TCTN1: variants seen among roughly 807,000 people sequenced by gnomAD.
TCTN1 encodes the protein tectonic family member 1, also known as tectonic-1.
In TCTN1, 58 loss-of-function variants were observed where a neutral mutation model predicts 65.8. The observed-to-expected ratio is 0.88, with a 90% CI of 0.71 to 1.10. The LOEUF (loss-of-function observed/expected upper bound fraction) is 1.10, where lower values mean the gene tolerates loss of function less well. Among genes scored for constraint, TCTN1 ranks in the 50% least tolerant of loss-of-function variants. TCTN1 has a pLI of 0.00. For missense variants in TCTN1, 645 were observed against 719.4 expected (o/e 0.90, Z 1.18); for synonymous variants, 273 against 289.1 (o/e 0.94, Z 0.57).
chr12:110,634,771 ATT>A lies in TCTN1; in HGVS notation c.815_816del (p.Ile272ThrfsTer5), dbSNP rs777936490. 1.9e-5 allele frequency: 30 copies of A among 1,607,582 alleles called. No homozygotes were observed. Among genetic ancestry groups the A allele is most frequent in the Non-Finnish European group, 2.6e-6 (3 of 1,176,188 alleles). On this transcript the variant is annotated frameshift_variant, in exon 6 of 15. Transcript: ENST00000397659. LOFTEE classifies it high-confidence loss of function. ...CATGGCTTTTTACAGCAGCCCGGAAATTCTGAGGGTAAGAATTATTTTGAAGT... is the reference window on the plus strand; with the variant it reads ...CATGGCTTTTTACAGCAGCCCGGAAACTGAGGGTAAGAATTATTTTGAAGT... ...LSMAFYSSPE[I>X]LRVPDSRKKV...
chr12:110,623,994 T>G (rs971022884), intron 2 of TCTN1, among the ~76,000 whole-genome samples: 1 of 152,218 alleles, frequency 6.6e-6, no homozygotes, highest in African/African-American at 2.4e-5. Context: ...CATTATATAT[T>G]AAGTGAGAAA....
At chr12:110,625,005 C>A (rs1233270859) in intron 2 of TCTN1, among the ~76,000 whole-genome samples, 3 of 152,220 alleles carry the variant, frequency 2.0e-5, no homozygotes, top group Non-Finnish European at 4.4e-5. Context: ...TGTACCATAA[C>A]TTCTAAGCAT....
chr12:110,629,000 A>G (rs2066042583), intron 4 of TCTN1, 82 bp downstream of exon 4: 1 of 1,545,738 alleles, frequency 6.5e-7, no homozygotes, highest in East Asian at 2.3e-5. Flanking sequence ...TACCAGGAAA[A>G]CTGGGTTCCT....
chr12:110,624,673 G>C (rs892503662), intron 2 of TCTN1, among the ~76,000 whole-genome samples: 8 of 151,878 alleles, frequency 5.3e-5, no homozygotes, highest in Non-Finnish European at 1.0e-4. Flanking sequence ...AACCTCCCAG[G>C]TTCAAGCAAT....
chr12:110,648,427 G>A (rs544916285), intron 14 of TCTN1, among the ~76,000 whole-genome samples: 2 of 152,288 alleles, frequency 1.3e-5, no homozygotes, highest in South Asian at 2.1e-4. Flanking sequence ...AACCCAAAAA[G>A]TCTTTGGGGA....
intron 2 of TCTN1, among the ~76,000 whole-genome samples, chr12:110,620,915 C>G (rs997219140): frequency 3.3e-5 from 5 of 151,236 alleles, no homozygotes; most frequent in African/African-American, 1.2e-4. Context: ...TGGCTTCAAG[C>G]AATTCTCCTG....
Position 110,649,100 on chromosome 12 carries a change from G to A in TCTN1, c.*59G>A, listed in dbSNP as rs945272130. On this transcript the variant is annotated 3_prime_UTR_variant, in exon 15 of 15. Coordinates refer to ENST00000397659, the MANE Select transcript of TCTN1 (RefSeq NM_001082538.3). ...CGTGAAATTTGAAAACTGTACATTC[G>A]GTGAGATTAAATTTTATATACAACT... 3 of 624,522 alleles carry A rather than the reference G, an allele frequency of 4.8e-6. No homozygotes were observed. The highest frequency in any genetic ancestry group is 1.8e-5 in the African/African-American group (1 of 55,564). The allele number at this position is 624,522 out of a possible 1,614,324, so 38.7% of individuals were successfully genotyped here.
chr12:110,616,990 T>A (rs371863105), intron 1 of TCTN1: 32 of 152,242 alleles, frequency 2.1e-4, no homozygotes, highest in African/African-American at 6.0e-4. Flanking sequence ...GATGATTAAG[T>A]ACACTCGCAT....
At chr12:110,619,637 T>G (rs2065279094) in intron 1 of TCTN1, among the ~76,000 whole-genome samples, 199 bp from the exon 2 acceptor site, 1 of 152,216 alleles carries the variant, frequency 6.6e-6, no homozygotes, top group African/African-American at 2.4e-5. Flanking sequence ...AGTCAGATCA[T>G]TAGCCACTTT....
chr12:110,636,440 G>A, intron 6 of TCTN1, 41 bp from the exon 7 acceptor site: 1 of 1,312,590 alleles, frequency 7.6e-7, no homozygotes, highest in Non-Finnish European at 1.1e-6. Flanking sequence ...ACTTCTTTTT[G>A]TTGTACTTAA....
chr12:110,648,458 G>GGACTT lies in TCTN1; in HGVS notation c.*1+568_*1+572dup, dbSNP rs979134527. Reference sequence around the variant, plus strand: ...GGGGAGATGGTAAAGAACATGAACAGGACTTGAAGCAGCAGAGGCAAGGGG... The same window carrying GGACTT: ...GGGGAGATGGTAAAGAACATGAACAGGACTTGACTTGAAGCAGCAGAGGCAAGGGG... On this transcript the variant is annotated intron_variant, in intron 14 of 14. Transcript: ENST00000397659. 4.1e-4 allele frequency among the ~76,000 whole-genome samples: 63 copies of GGACTT among 152,304 alleles called. 1 individual carries two copies. Among genetic ancestry groups the GGACTT allele is most frequent in the African/African-American group, 1.4e-3 (60 of 41,570 alleles).
At chr12:110,642,902 T>C (rs2067056054) in intron 11 of TCTN1, among the ~76,000 whole-genome samples, 1 of 152,042 alleles carries the variant, frequency 6.6e-6, no homozygotes, top group African/African-American at 2.4e-5. Context: ...ACTACAGGCA[T>C]GTGGCAACAT....
intron 3 of TCTN1, chr12:110,628,023 C>T (rs1190473339): frequency 5.9e-6 from 9 of 1,534,980 alleles, no homozygotes; most frequent in East Asian, 2.4e-5. Context: ...ACATGCCAGC[C>T]TGCTTCCTTC....
At chr12:110,626,727 C>A (rs2065869536) in intron 3 of TCTN1, among the ~76,000 whole-genome samples, 1 of 149,380 alleles carries the variant, frequency 6.7e-6, no homozygotes, top group Non-Finnish European at 1.5e-5. Context: ...TTACAGGTGC[C>A]TGCCACCATG....
rs545000838 is a variant in TCTN1, at chr12:110,634,291, G to A, written c.713-379G>A. 33 of 420,816 alleles carry A rather than the reference G, an allele frequency of 7.8e-5. 1 individual carries two copies. Among genetic ancestry groups the A allele is most frequent in the South Asian group, 4.8e-4 (28 of 58,212 alleles). 26.1% of individuals were successfully genotyped at this position (420,816 alleles called of 1,614,324 possible). On this transcript the variant is annotated intron_variant, in intron 5 of 14. Transcript: ENST00000397659. ...GAAGGGGACTGGTGGTAGCTGGGGG[G>A]CAGGACAAGAATTGGAGGGGGATTT...
intron 11 of TCTN1, among the ~76,000 whole-genome samples, chr12:110,642,952 C>T (rs899971448): frequency 1.3e-5 from 2 of 152,172 alleles, no homozygotes; most frequent in Non-Finnish European, 2.9e-5. Flanking sequence ...GACGGGGTTT[C>T]ACCATGTTGG....
In TCTN1 at chr12:110,626,250, C is replaced by T. The variant is rs1333132334; in HGVS notation, c.342-112C>T. The T allele has an allele frequency of 3.3e-6, 4 of 1,229,782 alleles. No individual in the cohort carries two copies. The African/African-American group carries it at 6.1e-5, about 19-fold the overall frequency. 76.2% of individuals were successfully genotyped at this position (1,229,782 alleles called of 1,614,324 possible). A position where few individuals can be genotyped will look rare whatever the true frequency, so the allele number is the denominator to read the frequency against. ...ACGTCATGCTTTCATAAATATCCTC[C>T]ACGTAACTGTTAACATAGTACAGTA... On this transcript the variant is annotated intron_variant, in intron 2 of 14. Coordinates refer to ENST00000397659, the MANE Select transcript of TCTN1 (RefSeq NM_001082538.3).
chr12:110,647,452 T>C, intron 13 of TCTN1, 116 bp downstream of exon 13: 1 of 1,372,200 alleles, frequency 7.3e-7, no homozygotes, highest in Non-Finnish European at 1.0e-6. Context: ...CCATGGGGGT[T>C]CATAAAATAT....
intron 11 of TCTN1, among the ~76,000 whole-genome samples, chr12:110,642,865 C>T (rs1163774911): frequency 6.6e-6 from 1 of 152,018 alleles, no homozygotes; most frequent in Admixed American, 6.6e-5. Context: ...AAGCAATTCT[C>T]CTGCCTCAGC....
Sources: allele counts gnomAD v4.1 joint callset (sites outside exome capture counted in the v4.1 genomes callset), GRCh38; gene constraint gnomAD v4.1.1; transcripts MANE v1.5; gene names NCBI Gene and HGNC (gene_info 2026-07-23, HGNC 2026-07-21).